The following LCORL variants were observed in gnomAD, a reference collection of about 807,000 sequenced individuals.
LCORL encodes the protein ligand dependent nuclear receptor corepressor like, also known as ligand-dependent nuclear receptor corepressor-like protein.
Under a neutral mutation model 141.8 loss-of-function variants are expected in LCORL, and 41 were observed. The observed-to-expected ratio is 0.29, with a 90% CI of 0.23 to 0.38. The LOEUF (loss-of-function observed/expected upper bound fraction) is 0.38. Among genes scored for constraint, LCORL ranks in the 10% least tolerant of loss-of-function variants. The pLI is 1.00. For missense variants in LCORL, 1,759 were observed against 2,035.0 expected (o/e 0.86, Z 2.61); for synonymous variants, 618 against 694.1 (o/e 0.89, Z 1.72).
chr4:17,944,809 T>C (rs2724475), intron 4 of LCORL, among the ~76,000 whole-genome samples: 108,221 of 152,000 alleles, frequency 0.71, 38,789 homozygotes, highest in South Asian at 0.85. Context: ...TCTATTTGGG[T>C]TGCAATAATA....
chr4:17,878,301 T>A (rs1450175405), intron 6 of LCORL, 88 bp from the exon 7 acceptor site: 3 of 941,994 alleles, frequency 3.2e-6, no homozygotes, highest in African/African-American at 1.7e-5. Context: ...AAAAAAGATA[T>A]TTTGGTATTG....
rs533909327 is a variant in LCORL at position 18,009,520 on chromosome 4, CCTCAGG to C, written c.154+12072_154+12077del. On this transcript the variant is annotated intron_variant, in intron 1 of 7. Coordinates refer to ENST00000635767, the Ensembl canonical transcript of LCORL. ...CACTGAGAGGCCTTCCTCCCTTTAC[CCTCAGG>C]CTCTAATACCTTGGACTCAGATACC... 2.8e-4 allele frequency among the ~76,000 whole-genome samples: 42 copies of C among 152,174 alleles called. 1 individual carries two copies. In the South Asian group the frequency reaches 6.4e-3, roughly 23 times the overall value.
At position 17,960,112 on chromosome 4, in the gene LCORL, A is replaced by G. The variant is rs1368783394; in HGVS notation, c.430+1791T>C. 9 of 153,614 alleles carry G rather than the reference A, an allele frequency of 5.9e-5. No homozygotes were observed. In the East Asian group the frequency reaches 1.7e-3, roughly 30 times the overall value. The allele number at this position is 153,614 out of a possible 1,614,324, so 9.5% of individuals were successfully genotyped here. On this transcript the variant is annotated intron_variant, in intron 4 of 7. Transcript: ENST00000635767. Reference sequence around the variant, plus strand: ...AACTTTTATGTTTAATTAAATCTGGAAAGTGATGAACTACAAATAAAGAAA... The same window carrying G: ...AACTTTTATGTTTAATTAAATCTGGGAAGTGATGAACTACAAATAAAGAAA...
chr4:18,016,551 T>C (rs1479431127), intron 1 of LCORL, among the ~76,000 whole-genome samples: 1 of 152,186 alleles, frequency 6.6e-6, no homozygotes, highest in Non-Finnish European at 1.5e-5. Context: ...ATTTGCTACA[T>C]GTGACTATTA....
chr4:17,948,199 T>C (rs1324913349), intron 4 of LCORL, among the ~76,000 whole-genome samples: 1 of 151,972 alleles, frequency 6.6e-6, no homozygotes, highest in Non-Finnish European at 1.5e-5. Context: ...ATCAATAGGA[T>C]TGAGGGGACC....
At chr4:17,959,790 T>C (rs149295572) in intron 4 of LCORL, among the ~76,000 whole-genome samples, 146 of 152,166 alleles carry the variant, frequency 9.6e-4, no homozygotes, top group African/African-American at 2.6e-3. Context: ...CTAAAAATGA[T>C]TGCATTTGGG....
At chr4:17,902,046 T>C (rs1010861697) in intron 5 of LCORL, among the ~76,000 whole-genome samples, 11 of 151,520 alleles carry the variant, frequency 7.3e-5, no homozygotes, top group African/African-American at 2.7e-4. Flanking sequence ...AAAAAAAAAC[T>C]GGTTGGGGGT....
At chr4:17,994,775 G>GA (rs1172170260) in intron 1 of LCORL, among the ~76,000 whole-genome samples, 3 of 145,372 alleles carry the variant, frequency 2.1e-5, no homozygotes, top group African/African-American at 8.4e-5. Context: ...GGGAGTAATA[G>GA]GGAAAAAAAA....
chr4:17,855,460 C>A (rs376790161), intron 7 of LCORL, among the ~76,000 whole-genome samples: 22 of 152,254 alleles, frequency 1.4e-4, no homozygotes, highest in African/African-American at 5.1e-4. Context: ...ATCTATCTGC[C>A]TTCTCAAGAA....
exon 7 of LCORL, chr4:17,878,189 C>T (rs1214095382): frequency 8.1e-7 from 1 of 1,229,400 alleles, no homozygotes; most frequent in Non-Finnish European, 1.0e-6. Context: ...TAGTAGCTTC[C>T]TCTGATTTTG....
chr4:18,009,514 C>G (rs1171901415), intron 1 of LCORL, among the ~76,000 whole-genome samples: 3 of 152,046 alleles, frequency 2.0e-5, no homozygotes, highest in Non-Finnish European at 4.4e-5. Context: ...GCCTTCCTCC[C>G]TTTACCCTCA....
chr4:17,985,047 G>A (rs1051775853), intron 1 of LCORL, among the ~76,000 whole-genome samples: 18 of 152,014 alleles, frequency 1.2e-4, no homozygotes, highest in East Asian at 1.9e-4. Flanking sequence ...TCAAGAGCAC[G>A]TTGTTTAATT....
intron 2 of LCORL, 23 bp downstream of exon 2, chr4:17,972,797 T>C (rs1447522861): frequency 2.3e-6 from 3 of 1,304,328 alleles, no homozygotes. Context: ...ATGACAACTT[T>C]TAAATAAAAT....
intron 1 of LCORL, among the ~76,000 whole-genome samples, chr4:17,998,995 T>A (rs1457056716): frequency 2.5e-3 from 161 of 64,690 alleles, no homozygotes; most frequent in African/African-American, 5.6e-3. Flanking sequence ...AATATATATA[T>A]ATATATATAC....
At chr4:17,966,207 G>C (rs1248170031) in intron 2 of LCORL, among the ~76,000 whole-genome samples, 1 of 151,828 alleles carries the variant, frequency 6.6e-6, no homozygotes, top group Non-Finnish European at 1.5e-5. Flanking sequence ...AAAAAACTAG[G>C]ATCAGCTGGT....
intron 1 of LCORL, among the ~76,000 whole-genome samples, chr4:18,008,412 C>G (rs138109838): frequency 7.9e-4 from 120 of 152,274 alleles, no homozygotes; most frequent in African/African-American, 2.7e-3. Flanking sequence ...ACCCCTGAAA[C>G]TCAAGTTCTA....
At chr4:17,853,018 G>T (rs1001437046) in intron 7 of LCORL, among the ~76,000 whole-genome samples, 2 of 149,904 alleles carry the variant, frequency 1.3e-5, no homozygotes, top group Non-Finnish European at 3.0e-5. Context: ...CAGAACAGTA[G>T]CTACGTACCA....
rs150334865 is a variant in LCORL, at chr4:17,978,959, C to T, written c.155-6074G>A. Reference sequence around the variant, plus strand: ...CTTTAAGTTTTAGGGTACATGTGCACAACTTGCAGGTTTGTTACATATGTA... The same window carrying T: ...CTTTAAGTTTTAGGGTACATGTGCATAACTTGCAGGTTTGTTACATATGTA... On this transcript the variant is annotated intron_variant, in intron 1 of 7. Transcript: ENST00000635767. Among the ~76,000 whole-genome samples the T allele has an allele frequency of 1.6e-3, 248 of 152,206 alleles. 3 individuals carry two copies. The East Asian group carries it at 0.045, about 28-fold the overall frequency.
intron 1 of LCORL, among the ~76,000 whole-genome samples, chr4:18,002,913 G>C (rs181948280): frequency 6.6e-6 from 1 of 152,130 alleles, no homozygotes; most frequent in African/African-American, 2.4e-5. Context: ...TTCACTAAAC[G>C]GAATGTGGAA....
Sources: allele counts gnomAD v4.1 joint callset (sites outside exome capture counted in the v4.1 genomes callset), GRCh38; gene constraint gnomAD v4.1.1; transcripts MANE v1.5; gene names NCBI Gene and HGNC (gene_info 2026-07-23, HGNC 2026-07-21).